Variants in CSMD1 observed in about 807,000 individuals in gnomAD.
CSMD1 encodes CUB and sushi domain-containing protein 1.
CSMD1 carries 213 observed loss-of-function variants against 417.5 expected under a neutral mutation model. The observed-to-expected ratio is 0.51, with a 90% CI of 0.46 to 0.57. The LOEUF (loss-of-function observed/expected upper bound fraction) is 0.57, where lower values mean the gene tolerates loss of function less well. CSMD1 is among the 20% of genes least tolerant of loss of function. The probability of loss-of-function intolerance (pLI) is 0.00; values close to 1 mark genes in which losing one functional copy is unlikely to be tolerated. For missense variants in CSMD1, 6,923 were observed against 4,529.7 expected (o/e 1.53, Z -15.17); for synonymous variants, 2,862 against 1,736.8 (o/e 1.65, Z -16.11).
At chr8:4,161,154 A>G (rs75154840) in intron 3 of CSMD1, among the ~76,000 whole-genome samples, 2,207 of 152,252 alleles carry the variant, frequency 0.014, 63 homozygotes, top group African/African-American at 0.05. Flanking sequence ...AAGACATGAT[A>G]AAAGTTCAGA....
intron 5 of CSMD1, among the ~76,000 whole-genome samples, chr8:3,883,503 G>A (rs961670286): frequency 3.3e-5 from 5 of 152,046 alleles, no homozygotes; most frequent in African/African-American, 9.7e-5. Context: ...CCTTTTCACT[G>A]CTCCTTTAAA....
In CSMD1 at chr8:3,014,506, T is replaced by A. The variant is rs79513771; in HGVS notation, c.8029+3971A>T. ...TCTCACCAAGAACACTGCCAGTAAC[T>A]CAGCAGTGTGATTTTTAGTCCCCTC... On this transcript the variant is annotated intron_variant, in intron 52 of 69. Transcript: ENST00000635120. 6.2e-3 allele frequency among the ~76,000 whole-genome samples: 947 copies of A among 152,292 alleles called. 13 individuals carry two copies. The highest frequency in any genetic ancestry group is 0.022 in the African/African-American group (897 of 41,546).
intron 1 of CSMD1, among the ~76,000 whole-genome samples, chr8:4,827,062 GGGAAAAAA>G (rs1250452681): frequency 6.6e-6 from 1 of 151,968 alleles, no homozygotes; most frequent in Non-Finnish European, 1.5e-5. Context: ...ACTAAGAACA[GGGAAAAAA>G]ATTAAGTCCA....
intron 5 of CSMD1, among the ~76,000 whole-genome samples, chr8:3,802,826 A>G (rs1800531086): frequency 6.6e-6 from 1 of 152,172 alleles, no homozygotes; most frequent in African/African-American, 2.4e-5. Flanking sequence ...TTCTCCATCA[A>G]GTGAAGGGCA....
At chr8:3,356,183 C>T (rs968662804) in intron 21 of CSMD1, among the ~76,000 whole-genome samples, 10 of 152,152 alleles carry the variant, frequency 6.6e-5, no homozygotes, top group Non-Finnish European at 1.3e-4. Context: ...TATGGATTTG[C>T]CTCTTTTTTG....
chr8:4,819,903 G>A (rs945970885), intron 1 of CSMD1, among the ~76,000 whole-genome samples: 7 of 151,920 alleles, frequency 4.6e-5, no homozygotes, highest in Non-Finnish European at 8.8e-5. Flanking sequence ...CTTTGGGGGT[G>A]GGGAGAACCA....
intron 1 of CSMD1, among the ~76,000 whole-genome samples, chr8:4,789,546 A>G (rs1307241124): frequency 1.3e-5 from 2 of 152,118 alleles, no homozygotes; most frequent in Non-Finnish European, 2.9e-5. Flanking sequence ...CCTGGGATCT[A>G]CCACCAAAGC....
intron 23 of CSMD1, among the ~76,000 whole-genome samples, chr8:3,337,988 A>G (rs1807383810): frequency 6.6e-6 from 1 of 152,148 alleles, no homozygotes; most frequent in Admixed American, 6.5e-5. Flanking sequence ...AACAGTAGAC[A>G]CTTCTCTAGC....
At chr8:3,520,650 G>A (rs1797468951) in intron 10 of CSMD1, among the ~76,000 whole-genome samples, 1 of 151,764 alleles carries the variant, frequency 6.6e-6, no homozygotes, top group Non-Finnish European at 1.5e-5. Context: ...TGCATCTCCG[G>A]GTCCTCTTTT....
At chr8:3,487,308 T>C (rs958882373) in intron 11 of CSMD1, among the ~76,000 whole-genome samples, 3 of 152,068 alleles carry the variant, frequency 2.0e-5, no homozygotes, top group Admixed American at 2.0e-4. Flanking sequence ...TTCACGCCAT[T>C]CTCCTGCCTC....
intron 7 of CSMD1, among the ~76,000 whole-genome samples, chr8:3,636,700 C>T (rs1042278239): frequency 1.3e-5 from 2 of 152,196 alleles, no homozygotes; most frequent in Non-Finnish European, 2.9e-5. Context: ...AAGCCTGGAG[C>T]CACGCTCTTG....
intron 54 of CSMD1, among the ~76,000 whole-genome samples, chr8:2,983,354 T>C (rs1251113120): frequency 6.6e-6 from 1 of 151,972 alleles, no homozygotes; most frequent in Non-Finnish European, 1.5e-5. Flanking sequence ...GCCTGGCTAA[T>C]TTTTTGTATT....
chr8:3,100,728 T>C (rs571161354), intron 46 of CSMD1, among the ~76,000 whole-genome samples: 3 of 152,338 alleles, frequency 2.0e-5, no homozygotes, highest in African/African-American at 4.8e-5. Context: ...AAGCATCTTA[T>C]TCAACGCATC....
chr8:4,118,876 T>C (rs1802314052), intron 3 of CSMD1, among the ~76,000 whole-genome samples: 1 of 152,102 alleles, frequency 6.6e-6, no homozygotes, highest in Non-Finnish European at 1.5e-5. Flanking sequence ...GATAAAGAAA[T>C]GTGGCACATA....
intron 12 of CSMD1, among the ~76,000 whole-genome samples, chr8:3,447,439 T>A (rs1037072853): frequency 2.6e-5 from 4 of 152,102 alleles, no homozygotes; most frequent in African/African-American, 9.7e-5. Flanking sequence ...TATTTTTAGA[T>A]AAAGTGGAAA....
At chr8:3,666,653 T>G (rs933294592) in intron 7 of CSMD1, among the ~76,000 whole-genome samples, 1 of 152,108 alleles carries the variant, frequency 6.6e-6, no homozygotes, top group Non-Finnish European at 1.5e-5. Context: ...ATGGGGGCAG[T>G]TTCCCCCATA....
At chr8:3,475,081 C>A (rs1817328788) in intron 11 of CSMD1, among the ~76,000 whole-genome samples, 1 of 152,114 alleles carries the variant, frequency 6.6e-6, no homozygotes, top group Non-Finnish European at 1.5e-5. Context: ...CAGGGCTTTG[C>A]AAACCCTGAA....
chr8:3,333,264 C>G (rs544369644), intron 23 of CSMD1, among the ~76,000 whole-genome samples: 72 of 152,200 alleles, frequency 4.7e-4, no homozygotes, highest in Non-Finnish European at 8.7e-4. Context: ...GGGCTCCTGA[C>G]CCACGGATGC....
rs111886311 is a variant in CSMD1 at position 4,364,685 on chromosome 8, C to T, written c.415+55268G>A. On this transcript the variant is annotated intron_variant, in intron 3 of 69. Transcript: ENST00000635120. ...TAAAAATACAAAAAAATTAGCCGGG[C>T]GTAGTGGCGGGCGCCTGTAGTCCCA... 7.9e-3 allele frequency among the ~76,000 whole-genome samples: 477 copies of T among 60,172 alleles called. 167 individuals are homozygous for T. Among genetic ancestry groups the T allele is most frequent in the Middle Eastern group, 0.029 (4 of 140 alleles). The allele number at this position is 60,172 out of a possible 152,430, so 39.5% of individuals were successfully genotyped here. A position where few individuals can be genotyped will look rare whatever the true frequency, so the allele number is the denominator to read the frequency against.
Sources: allele counts gnomAD v4.1 joint callset (sites outside exome capture counted in the v4.1 genomes callset), GRCh38; gene constraint gnomAD v4.1.1; transcripts MANE v1.5; gene names NCBI Gene and HGNC (gene_info 2026-07-23, HGNC 2026-07-21).